The following VPS45 variants were observed in gnomAD, a reference collection of about 807,000 sequenced individuals.
VPS45 encodes vacuolar protein sorting 45 homolog, also known as vacuolar protein sorting-associated protein 45.
A neutral mutation model predicts 75.9 loss-of-function variants in VPS45; 35 were observed. The observed-to-expected ratio is 0.46, with a 90% confidence interval of 0.35 to 0.61. VPS45 has a LOEUF of 0.61. VPS45 is among the 20% of genes least tolerant of loss of function. The probability of loss-of-function intolerance (pLI) is 0.00; values close to 1 mark genes in which losing one functional copy is unlikely to be tolerated. For missense variants in VPS45, 559 were observed against 685.9 expected (o/e 0.81, Z 2.07); for synonymous variants, 220 against 238.2 (o/e 0.92, Z 0.70).
intron 2 of VPS45, among the ~76,000 whole-genome samples, chr1:150,070,796 A>G (rs1480231307): frequency 6.6e-6 from 1 of 151,984 alleles, no homozygotes; most frequent in Non-Finnish European, 1.5e-5. Flanking sequence ...CGACAGAGCA[A>G]GACTCCGTCT....
chr1:150,144,580 A>G (rs1371362866), intron 14 of VPS45, 129 bp from the exon 15 acceptor site: 3 of 763,310 alleles, frequency 3.9e-6, no homozygotes, highest in Non-Finnish European at 4.1e-6. Context: ...CTATACCCAA[A>G]TATCAGACCA....
chr1:150,141,406 C>T (rs2101665413), intron 14 of VPS45, among the ~76,000 whole-genome samples: 1 of 152,252 alleles, frequency 6.6e-6, no homozygotes, highest in Non-Finnish European at 1.5e-5. Flanking sequence ...CATACACACA[C>T]ATAGTTTTTG....
chr1:150,117,392 G>A (rs1229665737), intron 14 of VPS45, among the ~76,000 whole-genome samples: 2 of 140,246 alleles, frequency 1.4e-5, no homozygotes, highest in South Asian at 2.3e-4. Flanking sequence ...CATGGTGACA[G>A]GCACCTATAG....
chr1:150,088,739 A>G (rs1323297140), intron 10 of VPS45, among the ~76,000 whole-genome samples: 2 of 152,012 alleles, frequency 1.3e-5, no homozygotes, highest in African/African-American at 4.8e-5. Flanking sequence ...TCGGCCTCCC[A>G]AAGTGCTGGG....
chr1:150,092,189 A>G, intron 11 of VPS45, 94 bp downstream of exon 11: 1 of 1,522,044 alleles, frequency 6.6e-7, no homozygotes, highest in East Asian at 2.3e-5. Context: ...ATTTTTATTT[A>G]CAGAAATGTA....
intron 14 of VPS45, among the ~76,000 whole-genome samples, chr1:150,121,014 C>T (rs902686240): frequency 2.0e-5 from 3 of 151,862 alleles, no homozygotes; most frequent in African/African-American, 7.3e-5. Context: ...ACTACAGGTG[C>T]CCGCCACCGC....
chr1:150,088,221 C>T (rs1292774630), intron 10 of VPS45, among the ~76,000 whole-genome samples: 1 of 151,996 alleles, frequency 6.6e-6, no homozygotes, highest in Non-Finnish European at 1.5e-5. Flanking sequence ...TCTAACCACC[C>T]CTATCCTTCA....
chr1:150,129,644 C>T (rs1049460673), intron 14 of VPS45, among the ~76,000 whole-genome samples: 4 of 151,644 alleles, frequency 2.6e-5, no homozygotes, highest in Non-Finnish European at 5.9e-5. Flanking sequence ...ACTGCAACGC[C>T]CGCCTCCCAG....
intron 10 of VPS45, among the ~76,000 whole-genome samples, chr1:150,087,149 T>C (rs1553800882): frequency 6.6e-6 from 1 of 152,222 alleles, no homozygotes; most frequent in African/African-American, 2.4e-5. Context: ...AATCTCTAAA[T>C]ATCAGAAAAG....
chr1:150,089,468 C>A (rs1656214675), intron 10 of VPS45, among the ~76,000 whole-genome samples: 1 of 152,030 alleles, frequency 6.6e-6, no homozygotes, highest in Non-Finnish European at 1.5e-5. Flanking sequence ...TCAAGCAATT[C>A]TCCTGCCTCA....
chr1:150,099,573 C>T (rs1656856580), intron 13 of VPS45, among the ~76,000 whole-genome samples: 1 of 151,502 alleles, frequency 6.6e-6, no homozygotes, highest in South Asian at 2.1e-4. Flanking sequence ...TAATAAGAGC[C>T]ATCTATTCCC....
chr1:150,116,955 C>T (rs34447451), intron 14 of VPS45, among the ~76,000 whole-genome samples: 3,639 of 152,248 alleles, frequency 0.024, 67 homozygotes, highest in Non-Finnish European at 0.037. Context: ...GTAATCCTAG[C>T]ACTTTAGGAG....
At chr1:150,144,118 A>T (rs939554543) in intron 14 of VPS45, among the ~76,000 whole-genome samples, 98 of 149,970 alleles carry the variant, frequency 6.5e-4, no homozygotes, top group African/African-American at 2.2e-3. Context: ...TTATTTTTTA[A>T]TTTTTTTTTT....
chr1:150,108,653 C>T (rs1160383250), intron 13 of VPS45, among the ~76,000 whole-genome samples: 1 of 152,090 alleles, frequency 6.6e-6, no homozygotes, highest in South Asian at 2.1e-4. Context: ...AAGGTATATC[C>T]AGGAGGAGCA....
chr1:150,122,148 C>T (rs1193365843), intron 14 of VPS45, among the ~76,000 whole-genome samples: 1 of 152,124 alleles, frequency 6.6e-6, no homozygotes, highest in Non-Finnish European at 1.5e-5. Flanking sequence ...TGGCGAAACC[C>T]CATCTCTCCT....
intron 13 of VPS45, among the ~76,000 whole-genome samples, chr1:150,101,524 A>G (rs1656995482): frequency 6.6e-6 from 1 of 151,692 alleles, no homozygotes; most frequent in African/African-American, 2.4e-5. Flanking sequence ...TCACAAGATC[A>G]GGAGTTCGAG....
chr1:150,074,840 A>G (rs1214405335), intron 3 of VPS45, among the ~76,000 whole-genome samples: 3 of 152,132 alleles, frequency 2.0e-5, no homozygotes, highest in Non-Finnish European at 4.4e-5. Flanking sequence ...AAGACATTAT[A>G]TAATTTTATC....
intron 14 of VPS45, among the ~76,000 whole-genome samples, chr1:150,143,876 C>T (rs1305352729): frequency 6.6e-6 from 1 of 152,118 alleles, no homozygotes; most frequent in African/African-American, 2.4e-5. Flanking sequence ...AGCTTTGTTT[C>T]TTCGTTTTTT....
intron 3 of VPS45, 131 bp downstream of exon 3, chr1:150,072,357 C>A: frequency 1.5e-6 from 1 of 655,372 alleles, no homozygotes; most frequent in Non-Finnish European, 2.4e-6. Context: ...AATGTCCTTC[C>A]AAAGTATTAA....
Sources: allele counts gnomAD v4.1 joint callset (sites outside exome capture counted in the v4.1 genomes callset), GRCh38; gene constraint gnomAD v4.1.1; transcripts MANE v1.5; gene names NCBI Gene and HGNC (gene_info 2026-07-23, HGNC 2026-07-21).